CR1L: variants seen among roughly 807,000 people sequenced by gnomAD.
CR1L encodes complement component receptor 1-like protein.
CR1L carries 59 observed loss-of-function variants against 62.3 expected under a neutral mutation model. That is an observed-to-expected ratio of 0.95 (90% CI 0.77 to 1.18). The LOEUF (loss-of-function observed/expected upper bound fraction) is 1.18, where lower values mean the gene tolerates loss of function less well. Ranked by LOEUF, CR1L falls within the 50% of genes most tolerant of loss-of-function variation. The pLI is 0.00. For missense variants in CR1L, 700 were observed against 702.8 expected (o/e 1.00, Z 0.04); for synonymous variants, 279 against 248.7 (o/e 1.12, Z -1.15).
chr1:207,646,256 A>C (rs1663123443), intron 1 of CR1L, among the ~76,000 whole-genome samples: 1 of 152,160 alleles, frequency 6.6e-6, no homozygotes, highest in South Asian at 2.1e-4. Context: ...AGAGATGTGA[A>C]GCAACCTAAA....
intron 9 of CR1L, among the ~76,000 whole-genome samples, chr1:207,703,251 G>C (rs1571530048): frequency 6.6e-6 from 1 of 152,192 alleles, no homozygotes; most frequent in Non-Finnish European, 1.5e-5. Context: ...CTAGAGAGGA[G>C]AAGCCAATGC....
intron 3 of CR1L, among the ~76,000 whole-genome samples, chr1:207,682,480 A>T (rs935704181): frequency 6.6e-6 from 1 of 152,136 alleles, no homozygotes; most frequent in African/African-American, 2.4e-5. Context: ...ATAATAATAA[A>T]TAACCAAAAT....
At chr1:207,714,340 A>G (rs1413062688) in intron 10 of CR1L, among the ~76,000 whole-genome samples, 2 of 152,258 alleles carry the variant, frequency 1.3e-5, no homozygotes. Context: ...AGGGAAGAGC[A>G]GGTATATGTG....
Position 207,674,242 on chromosome 1 carries a change from G to T in CR1L, c.98-3147G>T, listed in dbSNP as rs1426954478. Among the ~76,000 whole-genome samples, 5 of 152,136 alleles carry T rather than the reference G, an allele frequency of 3.3e-5. No individual in the cohort carries two copies. The East Asian group carries it at 5.8e-4, about 18-fold the overall frequency. On this transcript the variant is annotated intron_variant, in intron 1 of 11. Coordinates refer to ENST00000508064, the MANE Select transcript of CR1L (RefSeq NM_175710.2). ...CATGAGGGAACTGTGTGGGGTGAAG[G>T]GTATGATGGAAATGTTCATTGTCTT...
chr1:207,683,788 G>A, intron 3 of CR1L, 84 bp from the exon 4 acceptor site: 2 of 1,299,864 alleles, frequency 1.5e-6, no homozygotes, highest in African/African-American at 1.4e-5. Context: ...AATTCTATAA[G>A]AGTGTAATCT....
intron 4 of CR1L, among the ~76,000 whole-genome samples, chr1:207,685,707 G>A (rs1346176496): frequency 6.6e-6 from 1 of 152,132 alleles, no homozygotes; most frequent in Non-Finnish European, 1.5e-5. Flanking sequence ...ATGAGCCATC[G>A]CAGAGGATGC....
At position 207,649,121 on chromosome 1, in the gene CR1L, A is replaced by G. The variant is rs571876381; in HGVS notation, c.97+3791A>G. On this transcript the variant is annotated intron_variant, in intron 1 of 11. Transcript: ENST00000508064. ...AGAGTCCAGGGGAAGGTGACTGATC[A>G]CTGCTTCCCAGGGGGAGGCAGAAAA... Among the ~76,000 whole-genome samples the G allele has an allele frequency of 2.0e-4, 31 of 152,306 alleles. No individual in the cohort carries two copies. In the South Asian group the frequency reaches 6.4e-3, roughly 32 times the overall value.
chr1:207,688,980 ATCTTT>A (rs1663954178), intron 4 of CR1L, among the ~76,000 whole-genome samples: 1 of 152,260 alleles, frequency 6.6e-6, no homozygotes, highest in African/African-American at 2.4e-5. Flanking sequence ...AAGTTTTTAA[ATCTTT>A]TCCTTTCTTA....
intron 9 of CR1L, among the ~76,000 whole-genome samples, chr1:207,703,026 G>A (rs1408236357): frequency 2.6e-5 from 4 of 152,328 alleles, no homozygotes; most frequent in South Asian, 2.1e-4. Context: ...AGAAGTTGCC[G>A]AGATTGTGCC....
At chr1:207,667,492 C>A (rs951224417) in intron 1 of CR1L, among the ~76,000 whole-genome samples, 2 of 152,222 alleles carry the variant, frequency 1.3e-5, no homozygotes, top group Non-Finnish European at 2.9e-5. Context: ...GTTCACCTAG[C>A]TACTCCAAGA....
rs777067760 is a variant in CR1L, at chr1:207,717,656, G to A, written c.1607G>A (p.Ser536Asn). The change falls in exon 11 of 12, where the codon AGC (serine) becomes AAC (asparagine). Residue 536 changes from serine to asparagine, a missense_variant. Coordinates refer to ENST00000508064, the MANE Select transcript of CR1L (RefSeq NM_175710.2). The stretch of plus-strand genomic sequence containing the variant: ...CCTCATGGGAATGGGGTTTGGAGCA[G>A]CCCTGCCCCTCGCTGTGAACTTCCT... ...SEPHGNGVWS[S>N]PAPRCELPVG... The A allele has an allele frequency of 1.9e-6, 3 of 1,614,000 alleles. No homozygotes were observed. The Admixed American group carries it at 5.0e-5, about 27-fold the overall frequency.
At chr1:207,706,044 T>TATATATATATAAAA (rs1491230856) in intron 9 of CR1L, among the ~76,000 whole-genome samples, 1 of 118,836 alleles carries the variant, frequency 8.4e-6, no homozygotes, top group South Asian at 3.0e-4. Context: ...TATATATATA[T>TATATATATATAAAA]AAAACACTGA....
At chr1:207,703,701 A>G (rs990953176) in intron 9 of CR1L, among the ~76,000 whole-genome samples, 1 of 152,234 alleles carries the variant, frequency 6.6e-6, no homozygotes, top group African/African-American at 2.4e-5. Flanking sequence ...GGCATGGTGT[A>G]ATCCCAGCAT....
chr1:207,697,919 A>G lies in CR1L; in HGVS notation c.1142+46A>G, dbSNP rs140428416. ...CCTGCTGGACATTGAAATTGGGGTTAGGAATTAGTCCAAAAAGGGGAGATT... is the reference window on the plus strand; with the variant it reads ...CCTGCTGGACATTGAAATTGGGGTTGGGAATTAGTCCAAAAAGGGGAGATT... On this transcript the variant is annotated intron_variant, in intron 7 of 11. Transcript: ENST00000508064. 1.5e-5 allele frequency: 24 copies of G among 1,612,854 alleles called. No homozygotes were observed. In the African/African-American group the frequency reaches 2.8e-4, roughly 19 times the overall value.
intron 1 of CR1L, chr1:207,657,466 C>A: frequency 4.0e-6 from 2 of 505,086 alleles, no homozygotes; most frequent in Admixed American, 3.6e-5. Context: ...TCAATTCAAG[C>A]CAAAAAATAG....
chr1:207,702,897 A>G (rs1206707663), intron 9 of CR1L, among the ~76,000 whole-genome samples: 1 of 152,208 alleles, frequency 6.6e-6, no homozygotes, highest in Non-Finnish European at 1.5e-5. Context: ...AGCCTGACCA[A>G]TATGGTGAAA....
chr1:207,663,331 G>A (rs1407156626), intron 1 of CR1L, among the ~76,000 whole-genome samples: 1 of 151,900 alleles, frequency 6.6e-6, no homozygotes, highest in Admixed American at 6.6e-5. Context: ...ACCTACTCAA[G>A]CCTCGGCAAT....
chr1:207,693,467 A>C (rs1664026366), intron 4 of CR1L, among the ~76,000 whole-genome samples: 2 of 152,168 alleles, frequency 1.3e-5, no homozygotes, highest in African/African-American at 4.8e-5. Context: ...GAAATTTCTC[A>C]GTTATTACTT....
chr1:207,711,910 A>AAAC (rs796278790), intron 10 of CR1L, among the ~76,000 whole-genome samples: 2 of 152,004 alleles, frequency 1.3e-5, no homozygotes, highest in African/African-American at 4.8e-5. Flanking sequence ...AAAAAAAAAA[A>AAAC]ACACAAAAAA....
Sources: allele counts gnomAD v4.1 joint callset (sites outside exome capture counted in the v4.1 genomes callset), GRCh38; gene constraint gnomAD v4.1.1; transcripts MANE v1.5; gene names NCBI Gene and HGNC (gene_info 2026-07-23, HGNC 2026-07-21).